Variants in PLA2G4A observed in about 807,000 individuals in gnomAD.
PLA2G4A encodes the protein cytosolic phospholipase A2.
Under a neutral mutation model 81.9 loss-of-function variants are expected in PLA2G4A, and 40 were observed. The ratio of observed to expected loss-of-function variants is 0.49; its 90% confidence interval spans 0.38 to 0.64. The LOEUF (loss-of-function observed/expected upper bound fraction) is 0.64. Among genes scored for constraint, PLA2G4A ranks in the 30% least tolerant of loss-of-function variants. The probability of loss-of-function intolerance (pLI) is 0.00; values close to 1 mark genes in which losing one functional copy is unlikely to be tolerated. For synonymous variants in PLA2G4A, 302 were observed against 296.9 expected (o/e 1.02, Z -0.18); for missense variants, 715 against 905.1 (o/e 0.79, Z 2.69).
intron 1 of PLA2G4A, among the ~76,000 whole-genome samples, chr1:186,845,950 G>T (rs1652157946): frequency 6.6e-6 from 1 of 152,198 alleles, no homozygotes; most frequent in Non-Finnish European, 1.5e-5. Flanking sequence ...AAAAAACCCT[G>T]TGAGTTTCAC....
chr1:186,949,683 C>G (rs763456493), intron 12 of PLA2G4A, among the ~76,000 whole-genome samples: 113 of 151,976 alleles, frequency 7.4e-4, no homozygotes, highest in Non-Finnish European at 1.2e-3. Context: ...ATTTATTAAC[C>G]CTTCCATTAC....
At chr1:186,935,488 T>A (rs1392351190) in intron 8 of PLA2G4A, among the ~76,000 whole-genome samples, 2 of 149,838 alleles carry the variant, frequency 1.3e-5, no homozygotes, top group Non-Finnish European at 3.0e-5. Flanking sequence ...GAGGCATAGA[T>A]GGAAGATAAA....
chr1:186,854,219 A>G, intron 1 of PLA2G4A, 67 bp from the exon 2 acceptor site: 2 of 659,958 alleles, frequency 3.0e-6, no homozygotes, highest in Non-Finnish European at 5.5e-6. Flanking sequence ...ACGCATACTC[A>G]TAATTGTTTA....
chr1:186,977,953 C>T (rs1030760065), intron 16 of PLA2G4A, among the ~76,000 whole-genome samples, 165 bp downstream of exon 16: 3 of 152,200 alleles, frequency 2.0e-5, no homozygotes, highest in Admixed American at 1.3e-4. Context: ...TACTTCTCCT[C>T]TTTCTTACCC....
At chr1:186,975,882 G>A (rs1411695092) in intron 15 of PLA2G4A, among the ~76,000 whole-genome samples, 3 of 152,140 alleles carry the variant, frequency 2.0e-5, no homozygotes, top group Admixed American at 6.5e-5. Context: ...GCCCACAATC[G>A]TGCAGCACCT....
chr1:186,964,683 T>A (rs553747995), intron 14 of PLA2G4A, among the ~76,000 whole-genome samples: 1 of 152,398 alleles, frequency 6.6e-6, no homozygotes, highest in East Asian at 1.9e-4. Flanking sequence ...GATCATTTTC[T>A]TCATTGCATT....
At chr1:186,876,859 T>G (rs1387838846) in intron 3 of PLA2G4A, among the ~76,000 whole-genome samples, 2 of 152,096 alleles carry the variant, frequency 1.3e-5, no homozygotes, top group Non-Finnish European at 2.9e-5. Flanking sequence ...AGGGTAACCC[T>G]CTTTCCTTCA....
At chr1:186,916,071 T>C (rs1357206980) in intron 7 of PLA2G4A, among the ~76,000 whole-genome samples, 1 of 152,172 alleles carries the variant, frequency 6.6e-6, no homozygotes, top group Admixed American at 6.6e-5. Context: ...ACTCGGCTAG[T>C]TGCAAAAACA....
At chr1:186,915,846 G>A (rs959870635) in intron 7 of PLA2G4A, among the ~76,000 whole-genome samples, 1 of 152,134 alleles carries the variant, frequency 6.6e-6, no homozygotes, top group African/African-American at 2.4e-5. Flanking sequence ...ATCCTACGGG[G>A]TGAGTGAATT....
chr1:186,879,085 A>T (rs1001339065), intron 3 of PLA2G4A, among the ~76,000 whole-genome samples: 1 of 151,926 alleles, frequency 6.6e-6, no homozygotes, highest in Non-Finnish European at 1.5e-5. Context: ...GATGGATTAA[A>T]CTTAGCTGAG....
chr1:186,921,908 G>A (rs1271896082), intron 7 of PLA2G4A, among the ~76,000 whole-genome samples: 1 of 152,116 alleles, frequency 6.6e-6, no homozygotes, highest in Non-Finnish European at 1.5e-5. Flanking sequence ...TCATCTGGGT[G>A]CCCTGACTTA....
chr1:186,903,962 T>C (rs1224427741), intron 5 of PLA2G4A, among the ~76,000 whole-genome samples: 1 of 152,204 alleles, frequency 6.6e-6, no homozygotes, highest in Non-Finnish European at 1.5e-5. Flanking sequence ...CACTTCCTTA[T>C]TTTCAGGCAC....
chr1:186,912,784 TTA>T (rs68042430), intron 7 of PLA2G4A, among the ~76,000 whole-genome samples: 20,492 of 120,678 alleles, frequency 0.17, 1,811 homozygotes, highest in African/African-American at 0.31. Context: ...ATATGTATAC[TTA>T]TATATATATG....
chr1:186,960,424 G>A (rs546141560), intron 14 of PLA2G4A, among the ~76,000 whole-genome samples: 1 of 152,224 alleles, frequency 6.6e-6, no homozygotes, highest in East Asian at 1.9e-4. Flanking sequence ...TTCCACAACC[G>A]CATTAATTCA....
At chr1:186,880,627 A>G (rs1286667886) in intron 3 of PLA2G4A, among the ~76,000 whole-genome samples, 1 of 152,022 alleles carries the variant, frequency 6.6e-6, no homozygotes, top group Non-Finnish European at 1.5e-5. Context: ...CTTTTTAATG[A>G]AAAAGAATAA....
chr1:186,853,458 T>A (rs1473349727), intron 1 of PLA2G4A, among the ~76,000 whole-genome samples: 1 of 151,742 alleles, frequency 6.6e-6, no homozygotes, highest in Non-Finnish European at 1.5e-5. Context: ...AAAAGAAAGA[T>A]CACTAAAAAT....
At chr1:186,902,115 CG>C (rs1447495536) in intron 5 of PLA2G4A, among the ~76,000 whole-genome samples, 1 of 152,026 alleles carries the variant, frequency 6.6e-6, no homozygotes, top group Non-Finnish European at 1.5e-5. Flanking sequence ...CTGTATAGCA[CG>C]TTACTGCACT....
intron 7 of PLA2G4A, among the ~76,000 whole-genome samples, chr1:186,922,687 A>G (rs1212377338): frequency 6.6e-6 from 1 of 152,220 alleles, no homozygotes; most frequent in African/African-American, 2.4e-5. Flanking sequence ...TAGCAGGACA[A>G]GCCTCAGACA....
Position 186,950,633 on chromosome 1 carries a change from A to C in PLA2G4A, c.1265-24A>C, listed in dbSNP as rs201569104. ...TTAATTTTGACACCTGAAATGCTTC[A>C]ATTTTTTTGTTTTCTTTTCACAGAA... On this transcript the variant is annotated intron_variant, in intron 12 of 17. Coordinates refer to ENST00000367466, the MANE Select transcript of PLA2G4A (RefSeq NM_024420.3). The C allele has an allele frequency of 2.7e-5, 37 of 1,364,532 alleles. No individual in the cohort carries two copies. In the African/African-American group the frequency reaches 4.7e-4, roughly 17 times the overall value. The allele number at this position is 1,364,532 out of a possible 1,614,324, so 84.5% of individuals were successfully genotyped here. A position where few individuals can be genotyped will look rare whatever the true frequency, so the allele number is the denominator to read the frequency against.
Sources: allele counts gnomAD v4.1 joint callset (sites outside exome capture counted in the v4.1 genomes callset), GRCh38; gene constraint gnomAD v4.1.1; transcripts MANE v1.5; gene names NCBI Gene and HGNC (gene_info 2026-07-23, HGNC 2026-07-21).